The following PAN2 variants were observed in gnomAD, a reference collection of about 807,000 sequenced individuals.
The protein encoded by PAN2 is PAN2-PAN3 deadenylation complex catalytic subunit PAN2.
In PAN2, 68 loss-of-function variants were observed where a neutral mutation model predicts 133.3. The observed-to-expected ratio is 0.51, with a 90% confidence interval of 0.42 to 0.62. The LOEUF is 0.62. Among genes scored for constraint, PAN2 ranks in the 20% least tolerant of loss-of-function variants. The pLI, the probability that PAN2 is intolerant of heterozygous loss-of-function variation, is 0.00. For missense variants in PAN2, 1,042 were observed against 1,500.5 expected (o/e 0.69, Z 5.05); for synonymous variants, 462 against 544.6 (o/e 0.85, Z 2.11).
rs776693716 is a variant in PAN2 at position 56,325,027 on chromosome 12, G to A, written c.1581C>T (p.Tyr527=). The part of the protein sequence containing the change: ...AGLEPHIPNA[Y]CNCMIQVLYF... The stretch of plus-strand genomic sequence containing the variant: ...CCCTTACCTGGATCATGCAGTTACA[G>A]TAGGCGTTGGGAATGTGGGGCTCTA... The change falls in exon 10 of 26, where the codon TAC becomes TAT. Residue 527 remains tyrosine (Y), a synonymous_variant. Coordinates refer to ENST00000440411, the MANE Select transcript of PAN2 (RefSeq NM_014871.6). 1.8e-5 allele frequency: 29 copies of A among 1,614,020 alleles called. No homozygotes were observed. The South Asian group carries it at 3.2e-4, about 18-fold the overall frequency.
At chr12:56,333,342 C>G (rs974792775) in intron 1 of PAN2, 134 bp from the exon 2 acceptor site, 19 of 410,772 alleles carry the variant, frequency 4.6e-5, no homozygotes, top group East Asian at 1.4e-4. Flanking sequence ...ATGAAGCAGG[C>G]GGGGGAGGGA....
chr12:56,320,747 T>G (rs907091077), intron 20 of PAN2, among the ~76,000 whole-genome samples: 25 of 141,804 alleles, frequency 1.8e-4, no homozygotes, highest in African/African-American at 6.4e-4. Flanking sequence ...TACAGCTGCT[T>G]TTTTTTTTTT....
At chr12:56,317,727 A>G in intron 25 of PAN2, 84 bp from the exon 26 acceptor site, 1 of 1,187,492 alleles carries the variant, frequency 8.4e-7, no homozygotes, top group South Asian at 1.3e-5. Flanking sequence ...GAAAAATGCA[A>G]GAGAAAAAAG....
chr12:56,321,022 C>T (rs1393540913), intron 20 of PAN2, among the ~76,000 whole-genome samples: 1 of 150,490 alleles, frequency 6.6e-6, no homozygotes, highest in South Asian at 2.1e-4. Flanking sequence ...CAAAATTGTG[C>T]CATTGCACTC....
chr12:56,332,354 C>A (rs539601068), intron 2 of PAN2, among the ~76,000 whole-genome samples: 1 of 152,264 alleles, frequency 6.6e-6, no homozygotes, highest in East Asian at 1.9e-4. Flanking sequence ...GTAACCCCAG[C>A]ACTTTGGCAG....
In PAN2 at chr12:56,324,179, A is replaced by G; in HGVS notation, c.1935T>C (p.Phe645=). The G allele has an allele frequency of 6.2e-7, 1 of 1,613,970 alleles. No individual in the cohort carries two copies. The highest frequency in any genetic ancestry group is 8.5e-7 in the Non-Finnish European group (1 of 1,180,026). The change falls in exon 13 of 26, where the codon TTT becomes TTC. Residue 645 remains phenylalanine (F), a synonymous_variant. Transcript: ENST00000440411. ...CAATAACAGAGTCCCCCGATGAGCA[A>G]AAGCTGCTAAGAGTGGAGAGGATGA... ...QAYRGAGGSS[F]CSSGDSVIGQ...
In PAN2 at chr12:56,318,338, G is replaced by C. The variant is rs758823204; in HGVS notation, c.3461C>G (p.Thr1154Ser). 1.2e-6 allele frequency: 2 copies of C among 1,613,956 alleles called. No homozygotes were observed. The highest frequency in any genetic ancestry group is 2.2e-5 in the East Asian group (1 of 44,898). ...RKYLELSKNGTEPESFHKVLK... is the reference protein window; with the variant it reads ...RKYLELSKNGSEPESFHKVLK... ...CACCTTGTGGAAAGACTCAGGCTCA[G>C]TGCCATTTTTGCTTAGCTCCAGATA... The change falls in exon 25 of 26, where the codon ACT becomes AGT. Residue 1154 changes from threonine (T) to serine (S), a missense_variant. Physicochemically the swap from Thr to Ser is moderately conservative, Grantham distance 58. This residue lies in a region of PAN2 where 85 missense variants were observed against 116.5 expected (regional missense o/e 0.73). Coordinates refer to ENST00000440411, the MANE Select transcript of PAN2 (RefSeq NM_014871.6).
In PAN2 at chr12:56,319,317, G is replaced by T; in HGVS notation, c.3261C>A (p.Ile1087=). Residue 1087 remains isoleucine (I), a synonymous_variant, in exon 23 of 26, where the codon ATC becomes ATA. Transcript: ENST00000440411. The surrounding 1 kb of genome is among the most constrained non-coding windows in gnomAD (Gnocchi z 5.4). ...AAGAGCCCTGCCAAACCATCAGGTT[G>T]ATGACCCGGAAGTCCTTCTGCAGGC... is the stretch of plus-strand genomic sequence containing the variant. ...GHGLQKDFRV[I]NLMVPKDQVL... is the part of the protein sequence containing the mutation. 6.2e-7 allele frequency: 1 copy of T among 1,613,466 alleles called. No homozygotes were observed. The highest frequency in any genetic ancestry group is 8.5e-7 in the Non-Finnish European group (1 of 1,179,728).
At chr12:56,324,747 G>A in intron 10 of PAN2, 38 bp from the exon 11 acceptor site, 1 of 1,593,300 alleles carries the variant, frequency 6.3e-7, no homozygotes, top group Non-Finnish European at 8.5e-7. Flanking sequence ...TAGGAAACTG[G>A]CCTGGGGGTG....
At chr12:56,321,595 A>G (rs1289597961) in intron 20 of PAN2, among the ~76,000 whole-genome samples, 1 of 150,942 alleles carries the variant, frequency 6.6e-6, no homozygotes, top group Non-Finnish European at 1.5e-5. Context: ...TCACGCCTGT[A>G]ATCCCAGCAC....
chr12:56,320,056 A>C, intron 20 of PAN2, 35 bp from the exon 21 acceptor site: 2 of 1,610,588 alleles, frequency 1.2e-6, no homozygotes, highest in Non-Finnish European at 1.7e-6. Context: ...CAGGGCTTGG[A>C]TAGGGAAGTG....
intron 1 of PAN2, 97 bp from the exon 2 acceptor site, chr12:56,333,305 A>G (rs1876113021): frequency 1.8e-6 from 1 of 561,020 alleles, no homozygotes; most frequent in Non-Finnish European, 3.2e-6. Flanking sequence ...TGAGGCAGGC[A>G]TGAGGGATGA....
intron 8 of PAN2, among the ~76,000 whole-genome samples, chr12:56,325,862 G>A (rs768100838): frequency 6.6e-6 from 1 of 152,156 alleles, no homozygotes; most frequent in Admixed American, 6.5e-5. Context: ...TCAGATATGT[G>A]TTTTGCATTT....
rs748037824 is a variant in PAN2 at position 56,319,280 on chromosome 12, G to A, written c.3270+28C>T. On this transcript the variant is annotated intron_variant, in intron 23 of 25. Coordinates refer to ENST00000440411, the MANE Select transcript of PAN2 (RefSeq NM_014871.6). This position sits in a 1 kb window ranked among gnomAD's most constrained non-coding sequence, Gnocchi z 5.4. ...TACCCTGAGGGGCCCACTCTCACAAGAAGACTCTTAAAAGAGCCCTGCCAA... is the reference window on the plus strand; with the variant it reads ...TACCCTGAGGGGCCCACTCTCACAAAAAGACTCTTAAAAGAGCCCTGCCAA... 1.9e-6 allele frequency: 3 copies of A among 1,611,670 alleles called. No individual in the cohort carries two copies. The highest frequency in any genetic ancestry group is 2.5e-6 in the Non-Finnish European group (3 of 1,178,670).
At chr12:56,330,171 C>A (rs1875601470) in intron 2 of PAN2, among the ~76,000 whole-genome samples, 1 of 152,010 alleles carries the variant, frequency 6.6e-6, no homozygotes, top group Non-Finnish European at 1.5e-5. Context: ...GCATCCAAGT[C>A]TCTATTCAAA....
At chr12:56,328,100 G>A (rs889062602) in intron 4 of PAN2, 28 bp from the exon 5 acceptor site, 2 of 1,612,094 alleles carry the variant, frequency 1.2e-6, no homozygotes, top group South Asian at 2.2e-5. Flanking sequence ...AAAAACCAGT[G>A]AGAAGAATGA....
Position 56,323,094 on chromosome 12 carries a change from C to A in PAN2, c.2461G>T (p.Val821Phe), listed in dbSNP as rs2135965861. 1 of 1,614,176 alleles carries A rather than the reference C, an allele frequency of 6.2e-7. No individual in the cohort carries two copies. The highest frequency in any genetic ancestry group is 8.5e-7 in the Non-Finnish European group (1 of 1,180,046). The change falls in exon 17 of 26, where the codon GTT becomes TTT. Residue 821 changes from valine to phenylalanine, a missense_variant. Physicochemically the swap from Val to Phe is conservative, Grantham distance 50. This residue lies in a region of PAN2 where 908 missense variants were observed against 1,223.5 expected (regional missense o/e 0.74). Transcript: ENST00000440411. Reference sequence around the variant, plus strand: ...TCATCCCCATCAGTCCAATTGCAAACATCCAGCCCTTTGTTTTTGGTCATC... The same window carrying A: ...TCATCCCCATCAGTCCAATTGCAAAAATCCAGCCCTTTGTTTTTGGTCATC... Reference protein sequence around the residue: ...MKMTKNKGLDVCNWTDGDEMQ... With the variant: ...MKMTKNKGLDFCNWTDGDEMQ...
rs749159106 is a variant in PAN2, at chr12:56,318,873, C to T, written c.3364+215G>A. On this transcript the variant is annotated intron_variant, in intron 24 of 25. Coordinates refer to ENST00000440411, the MANE Select transcript of PAN2 (RefSeq NM_014871.6). ...CACCCACCACCCCAACTTTTAGAGT[C>T]CCTAATGTCATTCTTATGTCCATAT... Among the ~76,000 whole-genome samples, 70 of 152,088 alleles carry T rather than the reference C, an allele frequency of 4.6e-4. 1 individual carries two copies. The highest frequency in any genetic ancestry group is 2.2e-3 in the Admixed American group (34 of 15,252).
At chr12:56,333,461 C>T (rs974346652) in intron 1 of PAN2, 1 of 246,388 alleles carries the variant, frequency 4.1e-6, no homozygotes, top group Non-Finnish European at 8.1e-6. Context: ...ACTTCCCTTT[C>T]TTCTCACTTC....
Sources: gnomAD v4.1 joint callset for allele counts (sites outside exome capture counted in the v4.1 genomes callset) on GRCh38, gnomAD v4.1.1 for gene constraint, gnomAD v4.1.1 regional missense constraint, Gnocchi (gnomAD v3.1) non-coding constraint, MANE v1.5 for transcripts, NCBI Gene and HGNC (gene_info 2026-07-23, HGNC 2026-07-21) for gene names.